Variants in CDK20 observed in about 807,000 individuals in gnomAD.
CDK20 encodes the protein cyclin dependent kinase 20, also known as cyclin-dependent kinase 20.
CDK20 carries 40 observed loss-of-function variants against 38.6 expected under a neutral mutation model. The observed-to-expected ratio is 1.04, with a 90% confidence interval of 0.81 to 1.35. The LOEUF is 1.35. CDK20 is among the 40% of genes most tolerant of loss of function. The pLI is 0.00. For synonymous variants in CDK20, 209 were observed against 185.7 expected (o/e 1.13, Z -1.02); for missense variants, 512 against 452.6 (o/e 1.13, Z -1.19).
rs139270464 is a variant in CDK20, at chr9:87,970,820, A to G, written c.456T>C (p.Phe152=). 3.5e-4 allele frequency: 558 copies of G among 1,614,028 alleles called. 3 individuals are homozygous for G. The highest frequency in any genetic ancestry group is 1.0e-3 in the South Asian group (95 of 91,082). Residue 152 remains phenylalanine (F), a synonymous_variant, in exon 4 of 8, where the codon TTT becomes TTC. Transcript: ENST00000325303. The stretch of plus-strand genomic sequence containing the variant: ...TGTAGAGGCGGCTGCCGTCTGGGGA[A>G]AAGACTCGAGCCAGGCCAAAGTCCG... ...KIADFGLARV[F]SPDGSRLYTH...
intron 5 of CDK20, 162 bp from the exon 6 acceptor site, chr9:87,970,081 C>T: frequency 2.7e-6 from 2 of 739,416 alleles, no homozygotes; most frequent in Non-Finnish European, 4.1e-6. Flanking sequence ...AGCCCTCAAC[C>T]CTAGAACCCA....
chr9:87,971,357 A>G (rs1443543730), intron 2 of CDK20, 22 bp from the exon 3 acceptor site: 6 of 1,595,600 alleles, frequency 3.8e-6, no homozygotes, highest in Non-Finnish European at 4.3e-6. Context: ...ACATCTTGTT[A>G]GCCCCCAGAC....
At chr9:87,971,051 G>T in intron 3 of CDK20, 96 bp downstream of exon 3, 1 of 1,509,904 alleles carries the variant, frequency 6.6e-7, no homozygotes, top group Non-Finnish European at 9.0e-7. Context: ...GACCAGCTCT[G>T]TCCCAACTTC....
At chr9:87,974,126 A>G (rs1257815851) in intron 1 of CDK20, 91 bp from the exon 2 acceptor site, 11 of 1,588,856 alleles carry the variant, frequency 6.9e-6, no homozygotes, top group African/African-American at 5.4e-5. Context: ...AGAGAGAGAC[A>G]CGCGCCCCCG....
At chr9:87,969,491 T>C in intron 6 of CDK20, 142 bp from the exon 7 acceptor site, 2 of 915,878 alleles carry the variant, frequency 2.2e-6, no homozygotes, top group Non-Finnish European at 3.3e-6. Context: ...CCATCATTCA[T>C]TCACTCACCC....
At chr9:87,968,506 C>T (rs1018245565) in intron 7 of CDK20, 1 of 152,710 alleles carries the variant, frequency 6.5e-6, no homozygotes, top group Non-Finnish European at 1.5e-5. Flanking sequence ...AGCCCATGCT[C>T]CTGTGGTCAT....
At position 87,969,868 on chromosome 9, in the gene CDK20, C is replaced by T. The variant is rs28364959; in HGVS notation, c.615G>A (p.Pro205=). Residue 205 remains proline (P), a synonymous_variant, in exon 6 of 8, where the codon CCG becomes CCA. Coordinates refer to ENST00000325303, the MANE Select transcript of CDK20 (RefSeq NM_001039803.3). ...AAAGCTGTTCAATATCGTTCTTGCCCGGGAAAAGGGGGGACCCATTCAACA... is the reference window on the plus strand; with the variant it reads ...AAAGCTGTTCAATATCGTTCTTGCCTGGGAAAAGGGGGGACCCATTCAACA... ...GELLNGSPLF[P]GKNDIEQLCY... 2.4e-3 allele frequency: 3,780 copies of T among 1,607,388 alleles called. 73 individuals are homozygous for T. In the African/African-American group the frequency reaches 0.042, roughly 18 times the overall value.
rs758198659 is a variant in CDK20 at position 87,974,440 on chromosome 9, G to A, written c.7C>T (p.Gln3Ter). 6.2e-7 allele frequency: 1 copy of A among 1,612,056 alleles called. No homozygotes were observed. The change falls in exon 1 of 8, where the codon CAG becomes TAG. Residue 3 changes from glutamine (Q) to a stop codon, truncating the protein, a stop_gained. Coordinates refer to ENST00000325303, the MANE Select transcript of CDK20 (RefSeq NM_001039803.3). LOFTEE classifies it high-confidence loss of function. MD[Q>*]YCILGRIGEG... ...CCGATGCGGCCCAGGATGCAGTACT[G>A]GTCCATCCCGCTGCAGTCGTGGGCC...
chr9:87,971,296 A>G lies in CDK20; in HGVS notation c.229T>C (p.Phe77Leu), dbSNP rs896746701. The stretch of plus-strand genomic sequence containing the variant: ...AGCATGAACTCAAAGGCCAGCACAA[A>G]GCCTCCACCGTGTGGGAACACAGCC... ...LKAVFPHGGG[F>L]VLAFEFMLSD... The change falls in exon 3 of 8, where the codon TTT becomes CTT. Residue 77 changes from phenylalanine to leucine, a missense_variant. Physicochemically the swap from Phe to Leu is conservative, Grantham distance 22 (BLOSUM62 0). Coordinates refer to ENST00000325303, the MANE Select transcript of CDK20 (RefSeq NM_001039803.3). The G allele has an allele frequency of 6.2e-7, 1 of 1,613,890 alleles. No individual in the cohort carries two copies. The highest frequency in any genetic ancestry group is 8.5e-7 in the Non-Finnish European group (1 of 1,179,926).
In CDK20 at chr9:87,967,610, G is replaced by C. The variant is rs1014017495; in HGVS notation, c.893C>G (p.Ser298Cys). The change falls in exon 8 of 8, where the codon TCT becomes TGT. Residue 298 changes from serine to cysteine, a missense_variant. Ser to Cys is a moderately radical substitution (Grantham distance 112). Transcript: ENST00000325303. ...TAGACGCTGAGGAATCGGCAGCTCA[G>C]ATGGATGGGCAGGCAGGGGAGCTGT... is the stretch of plus-strand genomic sequence containing the variant. ...FFTAPLPAHPSELPIPQRLGG... is the reference protein window; with the variant it reads ...FFTAPLPAHPCELPIPQRLGG... 1.3e-6 allele frequency: 2 copies of C among 1,513,660 alleles called. No homozygotes were observed. Among genetic ancestry groups the C allele is most frequent in the African/African-American group, 2.8e-5 (2 of 72,208 alleles). 93.8% of individuals were successfully genotyped at this position (1,513,660 alleles called of 1,614,324 possible). A position where few individuals can be genotyped will look rare whatever the true frequency, so the allele number is the denominator to read the frequency against.
chr9:87,971,095 C>G, intron 3 of CDK20, 52 bp downstream of exon 3: 1 of 1,582,212 alleles, frequency 6.3e-7, no homozygotes, highest in East Asian at 2.2e-5. Context: ...AGCCCCATCC[C>G]CAAGCCAAGT....
Position 87,969,241 on chromosome 9 carries a change from C to T in CDK20, c.796G>A (p.Gly266Ser). Residue 266 changes from glycine to serine, a missense_variant, in exon 7 of 8, where the codon GGT becomes AGT. Coordinates refer to ENST00000325303, the MANE Select transcript of CDK20 (RefSeq NM_001039803.3). ...TGAGGAGGGTAGAGAAGGAATTGAC[C>T]CAGCAGATCCAATGCCTGGGGAGAG... is the stretch of plus-strand genomic sequence containing the variant. ...DVSPQALDLL[G>S]QFLLYPPHQR... is the part of the protein sequence containing the mutation. 8.7e-6 allele frequency: 14 copies of T among 1,614,032 alleles called. No individual in the cohort carries two copies. Among genetic ancestry groups the T allele is most frequent in the Non-Finnish European group, 1.2e-5 (14 of 1,179,976 alleles).
chr9:87,969,200 A>G lies in CDK20; in HGVS notation c.837T>C (p.Ala279=). 6.2e-7 allele frequency: 1 copy of G among 1,613,908 alleles called. No individual in the cohort carries two copies. The highest frequency in any genetic ancestry group is 1.1e-5 in the South Asian group (1 of 91,082). ...LLYPPHQRIA[A]SKALLHQYFF... The stretch of plus-strand genomic sequence containing the variant: ...CTACAGCCTCTCCCCCTACCTTGGA[A>G]GCTGCGATGCGCTGGTGAGGAGGGT... The change falls in exon 7 of 8, where the codon GCT becomes GCC. Residue 279 remains alanine, a synonymous_variant. Coordinates refer to ENST00000325303, the MANE Select transcript of CDK20 (RefSeq NM_001039803.3).
chr9:87,969,286 C>T lies in CDK20; in HGVS notation c.751G>A (p.Glu251Lys). The part of the protein sequence containing the change: ...SFKEQVPMPL[E>K]EVLPDVSPQA... ...GGAGAGACGTCAGGCAGCACCTCCT[C>T]CAGGGGCATGGGCACCTGCTCCTTA... The change falls in exon 7 of 8, where the codon GAG (glutamate) becomes AAG (lysine). Residue 251 changes from glutamate (E) to lysine (K), a missense_variant. Physicochemically the swap from Glu to Lys is moderately conservative, Grantham distance 56. Coordinates refer to ENST00000325303, the MANE Select transcript of CDK20 (RefSeq NM_001039803.3). The T allele has an allele frequency of 3.1e-6, 5 of 1,614,092 alleles. No individual in the cohort carries two copies. Among genetic ancestry groups the T allele is most frequent in the Non-Finnish European group, 4.2e-6 (5 of 1,179,978 alleles).
intron 1 of CDK20, 160 bp from the exon 2 acceptor site, chr9:87,974,195 T>G (rs1446902442): frequency 2.2e-6 from 3 of 1,342,324 alleles, no homozygotes; most frequent in African/African-American, 1.5e-5. Context: ...GCCGCTGGGG[T>G]AGGGGACCAA....
chr9:87,969,784 G>A lies in CDK20; in HGVS notation c.687+12C>T, dbSNP rs1051341891. The A allele has an allele frequency of 1.9e-6, 3 of 1,613,562 alleles. No homozygotes were observed. The highest frequency in any genetic ancestry group is 1.1e-5 in the South Asian group (1 of 91,028). Reference sequence around the variant, plus strand: ...CTGCCCCACACCCACCTCACCAAGGGCCCCTACAAACCGGCCAGACTTGAG... The same window carrying A: ...CTGCCCCACACCCACCTCACCAAGGACCCCTACAAACCGGCCAGACTTGAG... On this transcript the variant is annotated intron_variant, in intron 6 of 7. Transcript: ENST00000325303.
At chr9:87,969,375 A>G (rs368975167) in intron 6 of CDK20, 26 bp from the exon 7 acceptor site, 26 of 1,612,052 alleles carry the variant, frequency 1.6e-5, no homozygotes, top group Middle Eastern at 1.7e-4. Context: ...GGAACAGGGT[A>G]CAATGAGAGT....
At position 87,969,671 on chromosome 9, in the gene CDK20, T is replaced by C. The variant is rs560521811; in HGVS notation, c.687+125A>G. ...GAAGCCCTGAGTTGGGCCAGGACAG[T>C]GGTCCCTGTCCATCAAGGGGGGTTG... On this transcript the variant is annotated intron_variant, in intron 6 of 7. Transcript: ENST00000325303. 24 of 1,429,342 alleles carry C rather than the reference T, an allele frequency of 1.7e-5. No homozygotes were observed. The South Asian group carries it at 2.7e-4, about 16-fold the overall frequency. The allele number at this position is 1,429,342 out of a possible 1,614,324, so 88.5% of individuals were successfully genotyped here.
Position 87,967,348 on chromosome 9 carries a change from G to T in CDK20, c.*114C>A. ...CAAGGGCTAAGGGGCAGGGTGTGGT[G>T]TGGGCCCACTGTGGCCATGGGGAGG... On this transcript the variant is annotated 3_prime_UTR_variant, in exon 8 of 8. Coordinates refer to ENST00000325303, the MANE Select transcript of CDK20 (RefSeq NM_001039803.3). 1 of 1,027,862 alleles carries T rather than the reference G, an allele frequency of 9.7e-7. No individual in the cohort carries two copies. The highest frequency in any genetic ancestry group is 1.5e-6 in the Non-Finnish European group (1 of 671,004). 63.7% of individuals were successfully genotyped at this position (1,027,862 alleles called of 1,614,324 possible). A position where few individuals can be genotyped will look rare whatever the true frequency, so the allele number is the denominator to read the frequency against.
Sources: allele counts gnomAD v4.1 joint callset, GRCh38; gene constraint gnomAD v4.1.1; transcripts MANE v1.5; gene names NCBI Gene and HGNC (gene_info 2026-07-23, HGNC 2026-07-21).